The following WDR27 variants were observed in gnomAD, a reference collection of about 807,000 sequenced individuals.
The protein encoded by WDR27 is WD repeat-containing protein 27.
A neutral mutation model predicts 114.4 loss-of-function variants in WDR27; 100 were observed. The observed-to-expected ratio is 0.87, with a 90% CI of 0.74 to 1.03. The LOEUF is 1.03. Among genes scored for constraint, WDR27 ranks in the 50% least tolerant of loss-of-function variants. WDR27 has a pLI of 0.00. For missense variants in WDR27, 1,129 were observed against 1,092.9 expected (o/e 1.03, Z -0.47); for synonymous variants, 449 against 423.1 (o/e 1.06, Z -0.75).
the WDR27 span, among the ~76,000 whole-genome samples, chr6:169,438,135 A>G: frequency 6.6e-6 from 1 of 151,652 alleles, no homozygotes; most frequent in Non-Finnish European, 1.5e-5. Flanking sequence ...TGTGTACTCA[A>G]TGTTTAGCTC....
intron 25 of WDR27, among the ~76,000 whole-genome samples, chr6:169,513,946 T>C (rs569163908): frequency 6.6e-6 from 1 of 152,262 alleles, no homozygotes; most frequent in African/African-American, 2.4e-5. Flanking sequence ...CTGAAAGACA[T>C]GGCATTGCAC....
chr6:169,451,798 TTC>T, the WDR27 span, among the ~76,000 whole-genome samples: 1 of 152,254 alleles, frequency 6.6e-6, no homozygotes, highest in Non-Finnish European at 1.5e-5. Context: ...GAGAAATTTT[TTC>T]TTTCATATTG....
chr6:169,627,886 G>A (rs188803239), intron 21 of WDR27, among the ~76,000 whole-genome samples: 132 of 152,250 alleles, frequency 8.7e-4, no homozygotes, highest in South Asian at 1.4e-3. Flanking sequence ...GAATGTCCTC[G>A]CTGAGCCTGT....
chr6:169,608,266 C>T (rs1809694533), intron 22 of WDR27, among the ~76,000 whole-genome samples: 1 of 152,042 alleles, frequency 6.6e-6, no homozygotes, highest in African/African-American at 2.4e-5. Flanking sequence ...ATCACGAAGA[C>T]ACTGTGTGTG....
intron 25 of WDR27, among the ~76,000 whole-genome samples, chr6:169,488,567 T>C (rs1252803282): frequency 6.6e-6 from 1 of 152,210 alleles, no homozygotes; most frequent in Non-Finnish European, 1.5e-5. Flanking sequence ...TGGATGCTGG[T>C]TTTGACCTTT....
chr6:169,433,088 T>C, the WDR27 span, among the ~76,000 whole-genome samples: 2 of 152,168 alleles, frequency 1.3e-5, no homozygotes, highest in Admixed American at 1.3e-4. Flanking sequence ...TTTTTGTTGT[T>C]TGTCTGTTTT....
intron 21 of WDR27, among the ~76,000 whole-genome samples, chr6:169,623,026 T>C (rs1813749167): frequency 6.6e-6 from 1 of 152,184 alleles, no homozygotes; most frequent in African/African-American, 2.4e-5. Flanking sequence ...GTAATGTAGC[T>C]GGAGGCTACA....
intron 4 of WDR27, chr6:169,668,869 G>C (rs976948342): frequency 6.6e-6 from 1 of 152,206 alleles, no homozygotes; most frequent in Admixed American, 6.5e-5. Flanking sequence ...TTTAACTCTG[G>C]AAGACTTTCT....
At chr6:169,621,416 AC>A (rs1813177010) in intron 21 of WDR27, among the ~76,000 whole-genome samples, 1 of 150,832 alleles carries the variant, frequency 6.6e-6, no homozygotes, top group African/African-American at 2.5e-5. Flanking sequence ...CTATACATAC[AC>A]ACACGCGCAT....
intron 25 of WDR27, among the ~76,000 whole-genome samples, chr6:169,520,722 A>G (rs1794268703): frequency 6.6e-6 from 1 of 152,208 alleles, no homozygotes. Context: ...CTTGGAACTG[A>G]GAAATACATT....
Position 169,659,039 on chromosome 6 carries a change from C to T in WDR27, c.1319+47G>A, listed in dbSNP as rs1318165166. 1.3e-6 allele frequency: 2 copies of T among 1,489,242 alleles called. No homozygotes were observed. The highest frequency in any genetic ancestry group is 1.8e-6 in the Non-Finnish European group (2 of 1,121,880). The allele number at this position is 1,489,242 out of a possible 1,614,324, so 92.3% of individuals were successfully genotyped here. ...TCTGAACATAGAAATCCAGATGGCA[C>T]TTATTGGTGAACACACACACACACT... On this transcript the variant is annotated intron_variant, in intron 12 of 25. Transcript: ENST00000448612. The surrounding 1 kb of genome is among the most constrained non-coding windows in gnomAD (Gnocchi z 4.3).
At chr6:169,543,346 C>G (rs1166538592) in intron 25 of WDR27, among the ~76,000 whole-genome samples, 3 of 151,998 alleles carry the variant, frequency 2.0e-5, no homozygotes, top group Non-Finnish European at 2.9e-5. Context: ...CAGAATAATC[C>G]CATCATAGGA....
chr6:169,481,992 C>G (rs1217886232), intron 25 of WDR27, among the ~76,000 whole-genome samples: 1 of 152,206 alleles, frequency 6.6e-6, no homozygotes, highest in Non-Finnish European at 1.5e-5. Context: ...TCTGTTGTTT[C>G]CCTCTATGTG....
Position 169,509,586 on chromosome 6 carries a change from G to C in WDR27, c.2646-51952C>G, listed in dbSNP as rs547078785. Among the ~76,000 whole-genome samples the C allele has an allele frequency of 2.0e-5, 3 of 151,718 alleles. No individual in the cohort carries two copies. The East Asian group carries it at 5.8e-4, about 29-fold the overall frequency. On this transcript the variant is annotated intron_variant, in intron 25 of 25. Transcript: ENST00000448612. ...AAAACTGGCTAGCCATATGTAGAAA[G>C]CTGAAACTGGATCCCTTCCTTACAC...
At chr6:169,655,913 G>A (rs1050354022) in intron 13 of WDR27, among the ~76,000 whole-genome samples, 6 of 152,120 alleles carry the variant, frequency 3.9e-5, no homozygotes, top group South Asian at 2.1e-4. Context: ...TAGTAGAGAC[G>A]GGGTTTCAGC....
At chr6:169,583,635 T>C (rs1763032677) in intron 23 of WDR27, among the ~76,000 whole-genome samples, 2 of 151,454 alleles carry the variant, frequency 1.3e-5, no homozygotes, top group African/African-American at 2.4e-5. Flanking sequence ...AATTGAGAGA[T>C]GAGATAATCA....
intron 13 of WDR27, among the ~76,000 whole-genome samples, chr6:169,654,846 G>C (rs553055718): frequency 6.6e-6 from 1 of 152,124 alleles, no homozygotes; most frequent in Admixed American, 6.6e-5. Flanking sequence ...GCTCGCTCAG[G>C]AGGAGGAGCC....
chr6:169,556,104 G>A (rs1798849231), intron 25 of WDR27, among the ~76,000 whole-genome samples: 2 of 152,160 alleles, frequency 1.3e-5, no homozygotes, highest in Admixed American at 1.3e-4. Context: ...GCATCCTGCT[G>A]GAGTCTCTCT....
chr6:169,565,315 A>T (rs1800295571), intron 25 of WDR27, among the ~76,000 whole-genome samples: 1 of 152,216 alleles, frequency 6.6e-6, no homozygotes, highest in South Asian at 2.1e-4. Flanking sequence ...CACTCACCAG[A>T]AGACTAAATT....
Sources: gnomAD v4.1 joint callset for allele counts (sites outside exome capture counted in the v4.1 genomes callset) on GRCh38, gnomAD v4.1.1 for gene constraint, Gnocchi (gnomAD v3.1) non-coding constraint, MANE v1.5 for transcripts, NCBI Gene and HGNC (gene_info 2026-07-23, HGNC 2026-07-21) for gene names.